Variants in FBXW7 observed in about 807,000 individuals in gnomAD.
FBXW7 encodes F-box and WD repeat domain containing 7, also known as F-box/WD repeat-containing protein 7.
FBXW7 carries 11 observed loss-of-function variants against 86.3 expected under a neutral mutation model. The ratio of observed to expected loss-of-function variants is 0.13; its 90% CI spans 0.08 to 0.21. The LOEUF is 0.21. Among genes scored for constraint, FBXW7 ranks in the 10% least tolerant of loss-of-function variants. The probability of loss-of-function intolerance (pLI) is 1.00; values close to 1 mark genes in which losing one functional copy is unlikely to be tolerated. For missense variants in FBXW7, 488 were observed against 847.4 expected, an observed-to-expected ratio of 0.58 and a Z score of 5.27; for synonymous variants, 313 against 297.9, an observed-to-expected ratio of 1.05 and a Z score of -0.52.
At chr4:152,405,755 A>T (rs957025861) in intron 4 of FBXW7, among the ~76,000 whole-genome samples, 1 of 152,232 alleles carries the variant, frequency 6.6e-6, no homozygotes, top group African/African-American at 2.4e-5. Context: ...AGTCTGTTAA[A>T]TTATTCAGCA....
At chr4:152,459,528 G>A (rs1180420217) in intron 2 of FBXW7, among the ~76,000 whole-genome samples, 1 of 152,124 alleles carries the variant, frequency 6.6e-6, no homozygotes, top group Non-Finnish European at 1.5e-5. Context: ...GATCAATGGA[G>A]AGTCACATCA....
At chr4:152,394,426 A>G (rs1736244295) in intron 4 of FBXW7, among the ~76,000 whole-genome samples, 2 of 152,130 alleles carry the variant, frequency 1.3e-5, no homozygotes, top group Non-Finnish European at 2.9e-5. Flanking sequence ...TTCTAAGTTC[A>G]GCATTAACAA....
chr4:152,535,263 GC>G lies in FBXW7; in HGVS notation c.-350del. 1.2e-5 allele frequency: 3 copies of G among 255,722 alleles called. No individual in the cohort carries two copies. Among genetic ancestry groups the G allele is most frequent in the Non-Finnish European group, 2.2e-5 (3 of 134,952 alleles). The allele number at this position is 255,722 out of a possible 1,614,324, so 15.8% of individuals were successfully genotyped here. ...TTCCTCTGGGTGGAGGCTGCGGCCG[GC>G]CCCCCGGGTCCCCCCCGGCCCCGCC... On this transcript the variant is annotated 5_prime_UTR_variant, in exon 1 of 14. Transcript: ENST00000281708.
intron 2 of FBXW7, among the ~76,000 whole-genome samples, chr4:152,449,116 C>T (rs1382148086): frequency 1.3e-5 from 2 of 152,192 alleles, no homozygotes; most frequent in Non-Finnish European, 2.9e-5. Flanking sequence ...CAACAGGGAG[C>T]AAATTACTGG....
rs1018015739 is a variant in FBXW7 at position 152,460,110 on chromosome 4, A to G, written c.-119-47581T>C. 2.0e-5 allele frequency among the ~76,000 whole-genome samples: 3 copies of G among 152,362 alleles called. No homozygotes were observed. In the East Asian group the frequency reaches 5.8e-4, roughly 29 times the overall value. The stretch of plus-strand genomic sequence containing the variant: ...ATGCAACTGTGCCACCAAATTGTAC[A>G]GCTAAAATGGCAAATTTTATTTTGT... On this transcript the variant is annotated intron_variant, in intron 2 of 13. Coordinates refer to ENST00000281708, the MANE Select transcript of FBXW7 (RefSeq NM_001349798.2).
intron 2 of FBXW7, among the ~76,000 whole-genome samples, chr4:152,517,241 G>T (rs1748578837): frequency 6.6e-6 from 1 of 151,958 alleles, no homozygotes. Context: ...AGTTAATTTT[G>T]AGATCTAGCA....
chr4:152,438,571 A>G (rs1366475286), intron 2 of FBXW7, among the ~76,000 whole-genome samples: 1 of 152,312 alleles, frequency 6.6e-6, no homozygotes, highest in Middle Eastern at 3.4e-3. Context: ...GCTACTCAGG[A>G]GGCTGAGGAA....
chr4:152,432,447 A>G (rs1739987514), intron 2 of FBXW7, among the ~76,000 whole-genome samples: 1 of 152,200 alleles, frequency 6.6e-6, no homozygotes, highest in South Asian at 2.1e-4. Flanking sequence ...CTTTTTATAT[A>G]AAGTAGAAAG....
In FBXW7 at chr4:152,411,512, G is replaced by C. The variant is rs1553971423; in HGVS notation, c.292C>G (p.Gln98Glu). The change falls in exon 4 of 14, where the codon CAA becomes GAA. Residue 98 changes from glutamine to glutamate, a missense_variant. Physicochemically the swap from Gln to Glu is conservative, Grantham distance 29. This residue lies in a region of FBXW7 where 230 missense variants were observed against 240.0 expected (regional missense o/e 0.96). Coordinates refer to ENST00000281708, the MANE Select transcript of FBXW7 (RefSeq NM_001349798.2). Reference protein sequence around the residue: ...DEDSSGNQEEQEEDEEHAGEQ... With the variant: ...DEDSSGNQEEEEEDEEHAGEQ... Reference sequence around the variant, plus strand: ...CCAGCATGTTCTTCATCTTCCTCTTGTTCTTCTTGGTTTCCTGAGGAGTCC... The same window carrying C: ...CCAGCATGTTCTTCATCTTCCTCTTCTTCTTCTTGGTTTCCTGAGGAGTCC... 19 of 1,613,598 alleles carry C rather than the reference G, an allele frequency of 1.2e-5. No homozygotes were observed. The highest frequency in any genetic ancestry group is 1.5e-5 in the Non-Finnish European group (18 of 1,179,836).
intron 2 of FBXW7, among the ~76,000 whole-genome samples, chr4:152,431,558 T>C (rs951300354): frequency 7.2e-5 from 11 of 152,184 alleles, no homozygotes; most frequent in Non-Finnish European, 1.5e-4. Context: ...GCAGTTAACA[T>C]GAATGACTAC....
At chr4:152,386,358 T>C (rs1384888796) in intron 4 of FBXW7, among the ~76,000 whole-genome samples, 1 of 152,038 alleles carries the variant, frequency 6.6e-6, no homozygotes, top group Non-Finnish European at 1.5e-5. Context: ...GCAGTACTCA[T>C]AGGACTGTTG....
intron 2 of FBXW7, among the ~76,000 whole-genome samples, chr4:152,475,367 C>T (rs974236450): frequency 1.3e-5 from 2 of 152,016 alleles, no homozygotes; most frequent in East Asian, 1.9e-4. Flanking sequence ...TTTGAAGCTG[C>T]AGTGAGCTTT....
chr4:152,361,980 A>G (rs1462788210), intron 4 of FBXW7, among the ~76,000 whole-genome samples: 1 of 151,222 alleles, frequency 6.6e-6, no homozygotes, highest in Non-Finnish European at 1.5e-5. Context: ...AAAAAAAAAA[A>G]AAAAAGAACA....
At chr4:152,517,020 C>T (rs1272521531) in intron 2 of FBXW7, among the ~76,000 whole-genome samples, 3 of 152,120 alleles carry the variant, frequency 2.0e-5, no homozygotes, top group African/African-American at 7.2e-5. Flanking sequence ...GAGATGGTTT[C>T]GCCATGTTGT....
intron 2 of FBXW7, among the ~76,000 whole-genome samples, chr4:152,502,070 T>A (rs1275759493): frequency 6.6e-6 from 1 of 152,146 alleles, no homozygotes; most frequent in Non-Finnish European, 1.5e-5. Context: ...TAATCTCTAG[T>A]CCCAAGTAAC....
chr4:152,467,704 T>A (rs931977085), intron 2 of FBXW7, among the ~76,000 whole-genome samples: 2 of 152,230 alleles, frequency 1.3e-5, no homozygotes, highest in Admixed American at 6.5e-5. Context: ...TGCTTTTTCG[T>A]AGTCCTATGA....
At chr4:152,511,472 A>G (rs1233148461) in intron 2 of FBXW7, among the ~76,000 whole-genome samples, 1 of 152,052 alleles carries the variant, frequency 6.6e-6, no homozygotes, top group African/African-American at 2.4e-5. Context: ...AATATGGGTA[A>G]TCAAATTTCA....
intron 2 of FBXW7, among the ~76,000 whole-genome samples, chr4:152,432,162 C>T (rs1349767690): frequency 1.3e-5 from 2 of 152,104 alleles, no homozygotes; most frequent in African/African-American, 4.8e-5. Context: ...AATGTTTCAC[C>T]GTGAACTATG....
intron 2 of FBXW7, among the ~76,000 whole-genome samples, chr4:152,501,199 A>G (rs1746915396): frequency 6.6e-6 from 1 of 152,230 alleles, no homozygotes; most frequent in Non-Finnish European, 1.5e-5. Context: ...TTCAAACTTA[A>G]TTACAGAACT....
Sources: gnomAD v4.1 joint callset for allele counts (sites outside exome capture counted in the v4.1 genomes callset) on GRCh38, gnomAD v4.1.1 for gene constraint, gnomAD v4.1.1 regional missense constraint, MANE v1.5 for transcripts, NCBI Gene and HGNC (gene_info 2026-07-23, HGNC 2026-07-21) for gene names.